The following CACNA2D1 variants were observed in gnomAD, a reference collection of about 807,000 sequenced individuals.
CACNA2D1 encodes voltage-dependent calcium channel subunit alpha-2/delta-1.
Under a neutral mutation model 171.5 loss-of-function variants are expected in CACNA2D1, and 53 were observed. The observed-to-expected ratio is 0.31, with a 90% CI of 0.25 to 0.39. The LOEUF (loss-of-function observed/expected upper bound fraction) is 0.39, where lower values mean the gene tolerates loss of function less well. Among genes scored for constraint, CACNA2D1 ranks in the 10% least tolerant of loss-of-function variants. The probability of loss-of-function intolerance (pLI) is 1.00; values close to 1 mark genes in which losing one functional copy is unlikely to be tolerated. For missense variants in CACNA2D1, 903 were observed against 1,299.8 expected (o/e 0.69, Z 4.69); for synonymous variants, 442 against 443.1 (o/e 1.00, Z 0.03).
intron 9 of CACNA2D1, among the ~76,000 whole-genome samples, chr7:82,062,941 A>G (rs572094639): frequency 6.6e-6 from 1 of 151,606 alleles, no homozygotes; most frequent in African/African-American, 2.4e-5. Context: ...GAAATGAGAT[A>G]TTGCTTTGTT....
At position 81,968,769 on chromosome 7, in the gene CACNA2D1, C is replaced by T. The variant is rs183060819; in HGVS notation, c.2395+118G>A. On this transcript the variant is annotated intron_variant, in intron 29 of 38. Transcript: ENST00000356860. ...TATTTAATTTTTTTAAGTGTGCATG[C>T]CTTTATTTTGTTTGACACCTTTTGA... 488 of 698,810 alleles carry T rather than the reference C, an allele frequency of 7.0e-4. 2 individuals carry two copies. In the African/African-American group the frequency reaches 7.7e-3, roughly 11 times the overall value. The allele number at this position is 698,810 out of a possible 1,614,324, so 43.3% of individuals were successfully genotyped here.
At chr7:82,334,708 A>G (rs1365365256) in intron 3 of CACNA2D1, among the ~76,000 whole-genome samples, 3 of 152,292 alleles carry the variant, frequency 2.0e-5, no homozygotes, top group African/African-American at 7.2e-5. Context: ...TTGAATATCT[A>G]GCATTTTGGC....
intron 1 of CACNA2D1, among the ~76,000 whole-genome samples, chr7:82,440,358 C>T (rs1330493877): frequency 1.3e-5 from 2 of 151,828 alleles, no homozygotes; most frequent in African/African-American, 4.8e-5. Context: ...ACATGTAATT[C>T]TAAATATTAA....
intron 38 of CACNA2D1, among the ~76,000 whole-genome samples, chr7:81,957,303 A>G (rs1470999522): frequency 6.6e-6 from 1 of 152,134 alleles, no homozygotes; most frequent in Non-Finnish European, 1.5e-5. Context: ...TGTACATGCC[A>G]TTTGAAATCA....
rs143096188 is a variant in CACNA2D1, at chr7:82,043,534, A to G, written c.880-5299T>C. The stretch of plus-strand genomic sequence containing the variant: ...ACAGTTTCTGATAAAACTATGATCA[A>G]TGCATTTCAATACTTCCAAAGAAAC... On this transcript the variant is annotated intron_variant, in intron 10 of 38. Coordinates refer to ENST00000356860, the MANE Select transcript of CACNA2D1 (RefSeq NM_000722.4). 2.0e-3 allele frequency among the ~76,000 whole-genome samples: 310 copies of G among 152,318 alleles called. 3 individuals are homozygous for G. Among genetic ancestry groups the G allele is most frequent in the Non-Finnish European group, 3.1e-3 (209 of 68,030 alleles).
At chr7:82,287,643 C>G (rs2129388862) in intron 3 of CACNA2D1, among the ~76,000 whole-genome samples, 1 of 152,240 alleles carries the variant, frequency 6.6e-6, no homozygotes, top group African/African-American at 2.4e-5. Context: ...ACTTTCAGAT[C>G]TGGGATACCA....
intron 1 of CACNA2D1, among the ~76,000 whole-genome samples, chr7:82,371,511 C>G (rs1009870307): frequency 6.6e-6 from 1 of 152,130 alleles, no homozygotes; most frequent in Non-Finnish European, 1.5e-5. Flanking sequence ...GTCTAAAATG[C>G]TAAGAGTTCG....
chr7:82,301,425 A>T (rs1290043833), intron 3 of CACNA2D1, among the ~76,000 whole-genome samples: 1 of 152,092 alleles, frequency 6.6e-6, no homozygotes, highest in Non-Finnish European at 1.5e-5. Context: ...GTGCCCAGCC[A>T]GGTTTGCTAT....
intron 3 of CACNA2D1, among the ~76,000 whole-genome samples, chr7:82,181,038 C>T (rs1412556261): frequency 6.5e-5 from 3 of 46,168 alleles, no homozygotes; most frequent in Admixed American, 3.1e-4. Flanking sequence ...TGGGGCATGT[C>T]GGATTTTTTT....
intron 3 of CACNA2D1, among the ~76,000 whole-genome samples, chr7:82,291,591 T>A (rs972253028): frequency 2.0e-4 from 28 of 143,124 alleles, no homozygotes; most frequent in African/African-American, 6.6e-4. Context: ...ACTAGATATA[T>A]AATATATAAA....
chr7:82,328,441 C>T (rs1816907807), intron 3 of CACNA2D1, among the ~76,000 whole-genome samples: 1 of 152,090 alleles, frequency 6.6e-6, no homozygotes. Context: ...TTTACTTACC[C>T]ATAATAGACT....
chr7:82,007,994 C>A (rs1466845487), intron 15 of CACNA2D1, among the ~76,000 whole-genome samples: 1 of 152,020 alleles, frequency 6.6e-6, no homozygotes, highest in African/African-American at 2.4e-5. Context: ...TAAAATAATC[C>A]TCTAAGATAA....
chr7:82,091,415 T>C (rs1013186099), intron 6 of CACNA2D1, among the ~76,000 whole-genome samples: 1 of 152,216 alleles, frequency 6.6e-6, no homozygotes, highest in Non-Finnish European at 1.5e-5. Flanking sequence ...CTGAGATTTC[T>C]GGCCTTGCCC....
intron 3 of CACNA2D1, among the ~76,000 whole-genome samples, chr7:82,304,387 A>G (rs912805576): frequency 1.3e-5 from 2 of 151,940 alleles, no homozygotes; most frequent in East Asian, 1.9e-4. Flanking sequence ...TATTAAAAGG[A>G]TACCTGCACT....
At chr7:82,367,590 T>C (rs142394471) in intron 1 of CACNA2D1, among the ~76,000 whole-genome samples, 2 of 152,294 alleles carry the variant, frequency 1.3e-5, no homozygotes, top group East Asian at 1.9e-4. Context: ...TTCTCCAGAA[T>C]GTAAACAGCC....
chr7:82,082,852 C>T (rs1382623058), intron 7 of CACNA2D1, among the ~76,000 whole-genome samples: 1 of 151,796 alleles, frequency 6.6e-6, no homozygotes, highest in Non-Finnish European at 1.5e-5. Context: ...AAATTAAAGC[C>T]ATCATCCCTC....
chr7:82,126,858 G>T (rs1207608249), intron 5 of CACNA2D1, among the ~76,000 whole-genome samples: 1 of 152,144 alleles, frequency 6.6e-6, no homozygotes, highest in Non-Finnish European at 1.5e-5. Context: ...CTCCTCAGCT[G>T]CAACACCCAA....
In CACNA2D1 at chr7:82,083,776, T is replaced by C. The variant is rs534558436; in HGVS notation, c.658+993A>G. 5.9e-5 allele frequency among the ~76,000 whole-genome samples: 9 copies of C among 152,286 alleles called. No individual in the cohort carries two copies. In the South Asian group the frequency reaches 1.0e-3, roughly 18 times the overall value. ...CCTAATTTGAGTACCATTCAGTCCA[T>C]TGATACCCAGATACTTTCATTCATT... On this transcript the variant is annotated intron_variant, in intron 7 of 38. Coordinates refer to ENST00000356860, the MANE Select transcript of CACNA2D1 (RefSeq NM_000722.4).
At chr7:82,220,784 T>TC (rs1801660311) in intron 3 of CACNA2D1, among the ~76,000 whole-genome samples, 1 of 146,722 alleles carries the variant, frequency 6.8e-6, no homozygotes, top group Non-Finnish European at 1.5e-5. Flanking sequence ...CTTTTTTCTT[T>TC]TTTTTTTTTT....
Sources: gnomAD v4.1 joint callset for allele counts (sites outside exome capture counted in the v4.1 genomes callset) on GRCh38, gnomAD v4.1.1 for gene constraint, MANE v1.5 for transcripts, NCBI Gene and HGNC (gene_info 2026-07-23, HGNC 2026-07-21) for gene names.